Variants in CFAP57 observed in about 807,000 individuals in gnomAD.
CFAP57 encodes the protein cilia- and flagella-associated protein 57.
A neutral mutation model predicts 146.8 loss-of-function variants in CFAP57; 116 were observed. The observed-to-expected ratio is 0.79, with a 90% CI of 0.68 to 0.92. CFAP57 has a LOEUF of 0.92. CFAP57 is among the 40% of genes least tolerant of loss of function. The probability of loss-of-function intolerance (pLI) is 0.00; values close to 1 mark genes in which losing one functional copy is unlikely to be tolerated. For missense variants in CFAP57, 1,377 were observed against 1,527.2 expected (o/e 0.90, Z 1.64); for synonymous variants, 518 against 552.8 (o/e 0.94, Z 0.88).
At chr1:43,213,510 G>GGGGGT (rs1553180291) in intron 11 of CFAP57, among the ~76,000 whole-genome samples, 1 of 147,406 alleles carries the variant, frequency 6.8e-6, no homozygotes, top group African/African-American at 2.6e-5. Flanking sequence ...ATATGGGGGG[G>GGGGGT]GCGGTGGAGC....
At chr1:43,207,277 G>A (rs1459929496) in intron 10 of CFAP57, among the ~76,000 whole-genome samples, 3 of 152,086 alleles carry the variant, frequency 2.0e-5, no homozygotes, top group African/African-American at 7.2e-5. Context: ...ACATTCCTGG[G>A]GTAAAAACCT....
chr1:43,236,279 G>A (rs1645685353), intron 21 of CFAP57, among the ~76,000 whole-genome samples: 2 of 152,044 alleles, frequency 1.3e-5, no homozygotes, highest in Admixed American at 1.3e-4. Flanking sequence ...GGGGGTGCGG[G>A]TCTCCGGGTC....
intron 22 of CFAP57, among the ~76,000 whole-genome samples, chr1:43,248,247 C>CA (rs1425388033): frequency 6.6e-6 from 1 of 151,146 alleles, no homozygotes; most frequent in Non-Finnish European, 1.5e-5. Context: ...CCTTCCTTAC[C>CA]AAAAAATATA....
chr1:43,172,488 C>G (rs1569744750), intron 1 of CFAP57, 35 bp downstream of exon 1: 1 of 1,485,506 alleles, frequency 6.7e-7, no homozygotes, highest in Non-Finnish European at 9.0e-7. Context: ...CCAGAAGGAG[C>G]TGGTAGCAGT....
chr1:43,252,535 CATAA>C (rs1472047899), intron 22 of CFAP57, among the ~76,000 whole-genome samples: 2 of 151,824 alleles, frequency 1.3e-5, no homozygotes, highest in African/African-American at 2.4e-5. Context: ...AAAGAATTCC[CATAA>C]ATAGTGTTCT....
chr1:43,214,160 A>G (rs993516821), intron 11 of CFAP57, among the ~76,000 whole-genome samples: 32 of 151,678 alleles, frequency 2.1e-4, no homozygotes, highest in African/African-American at 7.5e-4. Flanking sequence ...TGCTGGGATT[A>G]CAGGTGTAAG....
intron 18 of CFAP57, chr1:43,232,093 A>C (rs544587175): frequency 1.4e-6 from 1 of 701,550 alleles, no homozygotes; most frequent in Non-Finnish European, 2.6e-6. Context: ...GTGGCCCCAG[A>C]GGGTCGAGAT....
At chr1:43,210,114 C>A in intron 11 of CFAP57, 198 bp downstream of exon 11, 1 of 1,611,448 alleles carries the variant, frequency 6.2e-7, no homozygotes, top group South Asian at 1.1e-5. Context: ...CCTAGGAAAT[C>A]ATCAGAGATA....
intron 13 of CFAP57, 56 bp downstream of exon 13, chr1:43,219,593 G>C: frequency 6.5e-7 from 1 of 1,541,430 alleles, no homozygotes; most frequent in Non-Finnish European, 8.8e-7. Context: ...CCACTTTCAA[G>C]ACAGGACTGG....
chr1:43,194,258 A>G (rs1414462987), intron 6 of CFAP57, among the ~76,000 whole-genome samples: 1 of 152,038 alleles, frequency 6.6e-6, no homozygotes, highest in Non-Finnish European at 1.5e-5. Context: ...CACTTTGAAC[A>G]TGTTATCCCA....
intron 11 of CFAP57, among the ~76,000 whole-genome samples, chr1:43,213,622 A>G (rs1031328218): frequency 6.6e-6 from 1 of 152,032 alleles, no homozygotes; most frequent in African/African-American, 2.4e-5. Context: ...TTTTTTGAGA[A>G]GTCTACATAC....
At chr1:43,247,449 G>C (rs1168073100) in intron 22 of CFAP57, among the ~76,000 whole-genome samples, 1 of 152,136 alleles carries the variant, frequency 6.6e-6, no homozygotes, top group Non-Finnish European at 1.5e-5. Context: ...GTACTCCAGT[G>C]CCAGCACTAT....
At chr1:43,206,538 C>T (rs368988175) in intron 9 of CFAP57, 182 bp from the exon 10 acceptor site, 4 of 607,732 alleles carry the variant, frequency 6.6e-6, no homozygotes, top group Non-Finnish European at 8.8e-6. Flanking sequence ...AATTTGCAAG[C>T]GTCATAGAAA....
At chr1:43,218,041 T>C (rs1644904012) in intron 12 of CFAP57, among the ~76,000 whole-genome samples, 2 of 152,190 alleles carry the variant, frequency 1.3e-5, no homozygotes, top group South Asian at 4.1e-4. Flanking sequence ...TTCTCAGTAC[T>C]TCCTGTGCAC....
At chr1:43,216,199 C>T (rs892759770) in intron 12 of CFAP57, among the ~76,000 whole-genome samples, 3 of 152,140 alleles carry the variant, frequency 2.0e-5, no homozygotes, top group African/African-American at 7.2e-5. Flanking sequence ...TGGGGATGCA[C>T]ATGTGAAAAG....
At position 43,172,586 on chromosome 1, in the gene CFAP57, A is replaced by G. The variant is rs1424808953; in HGVS notation, c.-20+133A>G. 7 of 495,400 alleles carry G rather than the reference A, an allele frequency of 1.4e-5. No individual in the cohort carries two copies. The Admixed American group carries it at 2.0e-4, about 14-fold the overall frequency. 30.7% of individuals were successfully genotyped at this position (495,400 alleles called of 1,614,324 possible). On this transcript the variant is annotated intron_variant, in intron 1 of 22. Coordinates refer to ENST00000372492, the MANE Select transcript of CFAP57 (RefSeq NM_001378189.1). ...CCGGGGGAGGGGAAAGGGGAGGGAC[A>G]AGGGGAGGGGAAAGGGGAGGGACAA...
At chr1:43,209,376 C>T (rs1170888320) in intron 10 of CFAP57, among the ~76,000 whole-genome samples, 1 of 152,178 alleles carries the variant, frequency 6.6e-6, no homozygotes, top group African/African-American at 2.4e-5. Flanking sequence ...ACAGATGGTC[C>T]GTCATCCATA....
At chr1:43,242,337 CAAG>C (rs1392875532) in intron 21 of CFAP57, among the ~76,000 whole-genome samples, 2 of 152,188 alleles carry the variant, frequency 1.3e-5, no homozygotes, top group African/African-American at 4.8e-5. Context: ...GTAAACTCCT[CAAG>C]AGCAGAAGCT....
intron 13 of CFAP57, among the ~76,000 whole-genome samples, chr1:43,220,339 A>G (rs1249895826): frequency 6.6e-6 from 1 of 152,224 alleles, no homozygotes; most frequent in Non-Finnish European, 1.5e-5. Flanking sequence ...CAGGAAGTTA[A>G]ATAAAATTAG....
Sources: allele counts gnomAD v4.1 joint callset (sites outside exome capture counted in the v4.1 genomes callset), GRCh38; gene constraint gnomAD v4.1.1; transcripts MANE v1.5; gene names NCBI Gene and HGNC (gene_info 2026-07-23, HGNC 2026-07-21).